TMEM39B: variants seen among roughly 807,000 people sequenced by gnomAD.
TMEM39B encodes the protein transmembrane protein 39B.
TMEM39B carries 23 observed loss-of-function variants against 52.2 expected under a neutral mutation model. The ratio of observed to expected loss-of-function variants is 0.44; its 90% CI spans 0.32 to 0.62. The LOEUF is 0.62. Ranked by LOEUF, TMEM39B falls within the 20% of genes least tolerant of loss-of-function variation. The pLI is 0.06. For missense variants in TMEM39B, 547 were observed against 642.0 expected, an observed-to-expected ratio of 0.85 and a Z score of 1.60; for synonymous variants, 285 against 264.0, an observed-to-expected ratio of 1.08 and a Z score of -0.77.
At chr1:32,076,364 G>C (rs889922148) in intron 3 of TMEM39B, 3 of 341,276 alleles carry the variant, frequency 8.8e-6, no homozygotes, top group African/African-American at 6.4e-5. Flanking sequence ...ACTCGCCTCA[G>C]CCTCCCAAAG....
intron 7 of TMEM39B, among the ~76,000 whole-genome samples, chr1:32,098,122 G>A (rs756901234): frequency 7.9e-5 from 12 of 151,798 alleles, no homozygotes; most frequent in Non-Finnish European, 1.2e-4. Context: ...TCAGCTTCCC[G>A]AGTAGCTGGG....
intron 5 of TMEM39B, among the ~76,000 whole-genome samples, chr1:32,085,135 GA>G (rs1224890456): frequency 6.6e-6 from 1 of 152,104 alleles, no homozygotes; most frequent in Non-Finnish European, 1.5e-5. Context: ...TTAACCTGGA[GA>G]TTTGAGTACT....
chr1:32,100,067 G>C (rs1640960174), intron 7 of TMEM39B, among the ~76,000 whole-genome samples: 1 of 151,816 alleles, frequency 6.6e-6, no homozygotes, highest in African/African-American at 2.4e-5. Context: ...AGCCCACAAA[G>C]AGTTTTAAGC....
chr1:32,083,485 C>T (rs1640204180), intron 5 of TMEM39B, among the ~76,000 whole-genome samples: 1 of 120,496 alleles, frequency 8.3e-6, no homozygotes, highest in Non-Finnish European at 1.6e-5. Flanking sequence ...TGGAATAGTG[C>T]AATCTTGGCT....
intron 6 of TMEM39B, among the ~76,000 whole-genome samples, chr1:32,092,554 G>C (rs2004176): frequency 0.08 from 12,119 of 152,020 alleles, 528 homozygotes; most frequent in East Asian, 0.12. Context: ...ACAGTGGCAC[G>C]ATCTCGGCTT....
chr1:32,084,237 G>T (rs547472503), intron 5 of TMEM39B, among the ~76,000 whole-genome samples: 1 of 152,042 alleles, frequency 6.6e-6, no homozygotes, highest in South Asian at 2.1e-4. Flanking sequence ...ACTGCCTGTT[G>T]CCTGGAGTCC....
chr1:32,077,329 C>G lies in TMEM39B; in HGVS notation c.590+11C>G. ...GTTCCTCTGCTATCCGTGAGTACCC[C>G]TCACTTCACCCCTCACTGCCCAGCA... On this transcript the variant is annotated intron_variant, in intron 5 of 8. Transcript: ENST00000336294. The G allele has an allele frequency of 6.2e-7, 1 of 1,614,050 alleles. No individual in the cohort carries two copies. The highest frequency in any genetic ancestry group is 1.1e-5 in the South Asian group (1 of 91,064).
intron 5 of TMEM39B, among the ~76,000 whole-genome samples, chr1:32,080,936 GAGA>G (rs552618094): frequency 3.9e-4 from 60 of 152,102 alleles, no homozygotes; most frequent in Middle Eastern, 3.4e-3. Flanking sequence ...AGGCTGAGGT[GAGA>G]AGATTGCTTT....
At chr1:32,095,081 T>A in intron 7 of TMEM39B, 110 bp downstream of exon 7, 1 of 1,298,388 alleles carries the variant, frequency 7.7e-7, no homozygotes, top group Non-Finnish European at 1.1e-6. Flanking sequence ...TTATTGAGCG[T>A]GTCTTGTATA....
At chr1:32,082,464 A>AT (rs960345688) in intron 5 of TMEM39B, among the ~76,000 whole-genome samples, 4 of 151,154 alleles carry the variant, frequency 2.6e-5, no homozygotes, top group Admixed American at 6.6e-5. Context: ...TTTTATTTTT[A>AT]TTTTTTTTGA....
chr1:32,084,564 CT>C (rs927364376), intron 5 of TMEM39B, among the ~76,000 whole-genome samples: 5 of 150,968 alleles, frequency 3.3e-5, no homozygotes, highest in African/African-American at 9.7e-5. Context: ...ATGTAGATTT[CT>C]TTTTTTTTGT....
rs1256348897 is a variant in TMEM39B at position 32,091,433 on chromosome 1, G to A, written c.591-242G>A. Reference sequence around the variant, plus strand: ...AGGGACTTGTCTCTTGCTTCCTACTGTAGCCCCAGTGTCAGCATTTCTGCT... The same window carrying A: ...AGGGACTTGTCTCTTGCTTCCTACTATAGCCCCAGTGTCAGCATTTCTGCT... On this transcript the variant is annotated intron_variant, in intron 5 of 8. Coordinates refer to ENST00000336294, the MANE Select transcript of TMEM39B (RefSeq NM_018056.4). Among the ~76,000 whole-genome samples the A allele has an allele frequency of 2.0e-5, 3 of 152,208 alleles. No individual in the cohort carries two copies. The East Asian group carries it at 5.8e-4, about 29-fold the overall frequency.
intron 5 of TMEM39B, among the ~76,000 whole-genome samples, chr1:32,085,257 G>A (rs1640291339): frequency 6.6e-6 from 1 of 151,718 alleles, no homozygotes; most frequent in Non-Finnish European, 1.5e-5. Context: ...TCATAGATTG[G>A]TCATCTTTTT....
chr1:32,073,721 C>T (rs1639737190), intron 1 of TMEM39B: 5 of 985,136 alleles, frequency 5.1e-6, no homozygotes, highest in Non-Finnish European at 6.0e-6. Flanking sequence ...CAGAGCTCTT[C>T]GCCAGGTACT....
chr1:32,098,278 C>G (rs1184103172), intron 7 of TMEM39B, among the ~76,000 whole-genome samples: 1 of 151,630 alleles, frequency 6.6e-6, no homozygotes, highest in Non-Finnish European at 1.5e-5. Context: ...GCTGGAATTA[C>G]AAGTGTGAGC....
chr1:32,072,761 G>C, upstream of TMEM39B: 1 of 508,684 alleles, frequency 2.0e-6, no homozygotes, highest in Non-Finnish European at 3.5e-6. Context: ...GCAGGAGGTG[G>C]GTTCCGTTCC....
intron 8 of TMEM39B, among the ~76,000 whole-genome samples, chr1:32,101,217 A>T (rs1419055274): frequency 6.6e-6 from 1 of 152,028 alleles, no homozygotes. Flanking sequence ...ACTCAGCCTT[A>T]CCCTGAACCT....
At chr1:32,098,232 C>T (rs1317686887) in intron 7 of TMEM39B, among the ~76,000 whole-genome samples, 1 of 151,816 alleles carries the variant, frequency 6.6e-6, no homozygotes, top group Non-Finnish European at 1.5e-5. Flanking sequence ...AACTCCTGAC[C>T]TCAGGTGATC....
chr1:32,079,748 C>T (rs1483793730), intron 5 of TMEM39B, among the ~76,000 whole-genome samples: 1 of 151,530 alleles, frequency 6.6e-6, no homozygotes, highest in African/African-American at 2.4e-5. Context: ...AGAATTTTCA[C>T]AATTTATTTG....
Sources: allele counts gnomAD v4.1 joint callset (sites outside exome capture counted in the v4.1 genomes callset), GRCh38; gene constraint gnomAD v4.1.1; transcripts MANE v1.5; gene names NCBI Gene and HGNC (gene_info 2026-07-23, HGNC 2026-07-21).